ENPP3: variants seen among roughly 807,000 people sequenced by gnomAD.
ENPP3 encodes ectonucleotide pyrophosphatase/phosphodiesterase 3.
ENPP3 carries 104 observed loss-of-function variants against 117.8 expected under a neutral mutation model. That is an observed-to-expected ratio of 0.88 (90% CI 0.75 to 1.04). ENPP3 has a LOEUF of 1.04. Among genes scored for constraint, ENPP3 ranks in the 50% least tolerant of loss-of-function variants. The pLI is 0.00. For missense variants in ENPP3, 1,026 were observed against 1,051.9 expected (o/e 0.98, Z 0.34); for synonymous variants, 380 against 349.9 (o/e 1.09, Z -0.96).
At chr6:131,639,246 AAT>A (rs143487852) in intron 1 of ENPP3, among the ~76,000 whole-genome samples, 61 of 126,266 alleles carry the variant, frequency 4.8e-4, no homozygotes, top group East Asian at 1.4e-3. Context: ...CTCTTATGCT[AAT>A]ATATATATAT....
chr6:131,734,958 A>C (rs1780364724), intron 21 of ENPP3, among the ~76,000 whole-genome samples: 1 of 152,110 alleles, frequency 6.6e-6, no homozygotes. Context: ...TTTGTGTATA[A>C]AATTGTATCT....
chr6:131,641,373 A>C (rs987543464), intron 1 of ENPP3, 82 bp from the exon 2 acceptor site: 3 of 829,202 alleles, frequency 3.6e-6, no homozygotes, highest in African/African-American at 1.7e-5. Flanking sequence ...GTACTTAGAG[A>C]GAATACTGAG....
chr6:131,694,329 C>T (rs1199888927), intron 15 of ENPP3, among the ~76,000 whole-genome samples: 3 of 152,194 alleles, frequency 2.0e-5, no homozygotes, highest in African/African-American at 7.2e-5. Flanking sequence ...CTGTCTCCTG[C>T]TCTCATGTAC....
intron 15 of ENPP3, among the ~76,000 whole-genome samples, chr6:131,717,002 AGTT>A (rs959918324): frequency 1.3e-5 from 2 of 152,000 alleles, no homozygotes; most frequent in African/African-American, 4.8e-5. Flanking sequence ...TAAAACCTAT[AGTT>A]GTCATATGCC....
intron 24 of ENPP3, among the ~76,000 whole-genome samples, chr6:131,745,312 C>A (rs1160538427): frequency 6.6e-6 from 1 of 151,446 alleles, no homozygotes; most frequent in African/African-American, 2.4e-5. Flanking sequence ...GACACAAGTG[C>A]TTTAATGGTT....
chr6:131,638,997 A>G (rs1343069367), intron 1 of ENPP3, among the ~76,000 whole-genome samples: 1 of 151,694 alleles, frequency 6.6e-6, no homozygotes, highest in Non-Finnish European at 1.5e-5. Flanking sequence ...CTGACTCAGT[A>G]CCTTACACCA....
intron 21 of ENPP3, among the ~76,000 whole-genome samples, chr6:131,734,818 C>T (rs1264446998): frequency 6.6e-6 from 1 of 150,982 alleles, no homozygotes; most frequent in East Asian, 2.0e-4. Flanking sequence ...ATGAGAATGG[C>T]TTGAACCCGG....
rs373257029 is a variant in ENPP3, at chr6:131,740,355, G to C, written c.2432G>C (p.Arg811Pro). ...LDVLPFIIPH[R>P]PTNVESCPEG... is the part of the protein sequence containing the mutation. ...GTCCTACCCTTTATCATCCCTCACC[G>C]ACCTACCAACGTGGAGAGCTGTCCT... Residue 811 changes from arginine to proline, a missense_variant, in exon 24 of 25, where the codon CGA becomes CCA. Arg to Pro is a moderately radical substitution (Grantham distance 103). Transcript: ENST00000357639. 2 of 1,610,468 alleles carry C rather than the reference G, an allele frequency of 1.2e-6. No homozygotes were observed. The highest frequency in any genetic ancestry group is 8.5e-7 in the Non-Finnish European group (1 of 1,178,300).
At chr6:131,666,562 G>A (rs570734005) in intron 6 of ENPP3, among the ~76,000 whole-genome samples, 1 of 151,136 alleles carries the variant, frequency 6.6e-6, no homozygotes, top group Admixed American at 6.6e-5. Context: ...TTTTCTTTTT[G>A]CTCCTTTGCC....
At chr6:131,735,552 C>T (rs750434684) in intron 21 of ENPP3, among the ~76,000 whole-genome samples, 1 of 151,780 alleles carries the variant, frequency 6.6e-6, no homozygotes, top group Non-Finnish European at 1.5e-5. Context: ...TCCAGGAGTT[C>T]GAGATCAACC....
chr6:131,677,321 C>G (rs1205476844), intron 10 of ENPP3, among the ~76,000 whole-genome samples: 1 of 152,112 alleles, frequency 6.6e-6, no homozygotes, highest in African/African-American at 2.4e-5. Flanking sequence ...AGAGATAGAG[C>G]CAGCACCAGA....
Position 131,722,359 on chromosome 6 carries a change from C to G in ENPP3, c.1700C>G (p.Pro567Arg). The G allele has an allele frequency of 6.2e-7, 1 of 1,614,064 alleles. No individual in the cohort carries two copies. The highest frequency in any genetic ancestry group is 8.5e-7 in the Non-Finnish European group (1 of 1,179,966). ...TTTTCTGTTTGTGGCTTTGCTAATCCATTGCCCACAGAGTCTCTTGACTGT... is the reference window on the plus strand; with the variant it reads ...TTTTCTGTTTGTGGCTTTGCTAATCGATTGCCCACAGAGTCTCTTGACTGT... ...SKFSVCGFANPLPTESLDCFC... is the reference protein window; with the variant it reads ...SKFSVCGFANRLPTESLDCFC... The change falls in exon 18 of 25, where the codon CCA becomes CGA. Residue 567 changes from proline (P) to arginine (R), a missense_variant. By Grantham distance (103) the Pro-to-Arg change is moderately radical. Coordinates refer to ENST00000357639, the MANE Select transcript of ENPP3 (RefSeq NM_005021.5).
intron 2 of ENPP3, among the ~76,000 whole-genome samples, chr6:131,648,354 G>A (rs1218095824): frequency 6.6e-6 from 1 of 151,776 alleles, no homozygotes; most frequent in Non-Finnish European, 1.5e-5. Context: ...TCACTCCTGA[G>A]ACATTTCTGT....
At chr6:131,641,392 G>A (rs538785750) in intron 1 of ENPP3, 63 bp from the exon 2 acceptor site, 2 of 1,038,004 alleles carry the variant, frequency 1.9e-6, no homozygotes, top group South Asian at 2.8e-5. Context: ...AGAAAGGGTG[G>A]TTATTTGTAT....
At chr6:131,669,620 C>A (rs1173596907) in intron 6 of ENPP3, among the ~76,000 whole-genome samples, 1 of 133,608 alleles carries the variant, frequency 7.5e-6, no homozygotes, top group African/African-American at 2.8e-5. Flanking sequence ...CACGCCACTG[C>A]ACTCTAGCCT....
At chr6:131,705,987 G>A (rs2768962) in intron 15 of ENPP3, among the ~76,000 whole-genome samples, 137 of 129,594 alleles carry the variant, frequency 1.1e-3, no homozygotes, top group East Asian at 7.3e-3. Flanking sequence ...TATGTATTTT[G>A]CTATGCATTT....
At chr6:131,711,349 C>A in intron 15 of ENPP3, among the ~76,000 whole-genome samples, 1 of 145,320 alleles carries the variant, frequency 6.9e-6, no homozygotes, top group African/African-American at 2.8e-5. Flanking sequence ...AAATTGCTGT[C>A]TTCTTCATGG....
chr6:131,651,749 G>C (rs1041501693), intron 3 of ENPP3, among the ~76,000 whole-genome samples: 4 of 152,206 alleles, frequency 2.6e-5, no homozygotes, highest in Non-Finnish European at 5.9e-5. Context: ...GGGCAAGAGG[G>C]AGAGGATAAC....
Position 131,641,526 on chromosome 6 carries a change from G to C in ENPP3, c.150G>C (p.Lys50Asn). 1.3e-6 allele frequency: 2 copies of C among 1,595,594 alleles called. No individual in the cohort carries two copies. Among genetic ancestry groups the C allele is most frequent in the Non-Finnish European group, 1.7e-6 (2 of 1,163,748 alleles). Reference protein sequence around the residue: ...GLGLGLRKLEKQGSCRKKCFD... With the variant: ...GLGLGLRKLENQGSCRKKCFD... ...GGCTTGGACTCAGGAAACTGGAAAA[G>C]CAAGGTATACCCCTCAGCCTTTTCT... The change falls in exon 2 of 25, where the codon AAG becomes AAC. Residue 50 changes from lysine to asparagine, a missense_variant. Lys to Asn is a moderately conservative substitution (Grantham distance 94, BLOSUM62 0). Coordinates refer to ENST00000357639, the MANE Select transcript of ENPP3 (RefSeq NM_005021.5).
Sources: gnomAD v4.1 joint callset for allele counts (sites outside exome capture counted in the v4.1 genomes callset) on GRCh38, gnomAD v4.1.1 for gene constraint, MANE v1.5 for transcripts, NCBI Gene and HGNC (gene_info 2026-07-23, HGNC 2026-07-21) for gene names.